Variants in PRKDC observed in about 807,000 individuals in gnomAD.
PRKDC encodes the protein protein kinase, DNA-activated, catalytic subunit.
In PRKDC, 82 loss-of-function variants were observed where a neutral mutation model predicts 486.9. The observed-to-expected ratio is 0.17, with a 90% CI of 0.14 to 0.20. The LOEUF is 0.20. Among genes scored for constraint, PRKDC ranks in the 10% least tolerant of loss-of-function variants. The pLI, the probability that PRKDC is intolerant of heterozygous loss-of-function variation, is 1.00. For synonymous variants in PRKDC, 1,895 were observed against 1,837.0 expected, an observed-to-expected ratio of 1.03 and a Z score of -0.81; for missense variants, 4,504 against 5,038.2, an observed-to-expected ratio of 0.89 and a Z score of 3.21.
chr8:47,950,374 C>T (rs1265517766), intron 7 of PRKDC, among the ~76,000 whole-genome samples: 2 of 151,954 alleles, frequency 1.3e-5, no homozygotes, highest in African/African-American at 4.8e-5. Context: ...ACCTGTAATC[C>T]CAGCACTTTG....
Position 47,915,391 on chromosome 8 carries a change from T to G in PRKDC, c.2554A>C (p.Arg852=). Residue 852 remains arginine, a synonymous_variant, in exon 23 of 86, where the codon AGA becomes CGA. Coordinates refer to ENST00000314191, the MANE Select transcript of PRKDC (RefSeq NM_006904.7). ...CCAAGCATTTGTACTACTCTAATTC[T>G]TATTTCTTCTAAGGATATTGCTTCG... ...SNEAISLEEI[R]IRVVQMLGSL... The G allele has an allele frequency of 6.4e-7, 1 of 1,562,330 alleles. No homozygotes were observed. Among genetic ancestry groups the G allele is most frequent in the Non-Finnish European group, 8.7e-7 (1 of 1,147,734 alleles).
intron 1 of PRKDC, 46 bp from the exon 2 acceptor site, chr8:47,957,477 T>C (rs1458704887): frequency 9.6e-6 from 14 of 1,450,820 alleles, no homozygotes; most frequent in South Asian, 2.5e-5. Flanking sequence ...GCCAAGAGCA[T>C]CATGTAAACC....
chr8:47,944,727 A>G (rs560795747), intron 7 of PRKDC, among the ~76,000 whole-genome samples: 54 of 152,290 alleles, frequency 3.5e-4, no homozygotes, highest in African/African-American at 1.2e-3. Context: ...ATTCATCACT[A>G]ATTTCTCTAC....
At chr8:47,879,834 C>CTTTTTTTT (rs759336069) in intron 38 of PRKDC, among the ~76,000 whole-genome samples, 176 bp from the exon 39 acceptor site, 4 of 99,200 alleles carry the variant, frequency 4.0e-5, no homozygotes, top group East Asian at 3.4e-4. Flanking sequence ...TATACCTCAG[C>CTTTTTTTT]TTTTTTTTTT....
chr8:47,956,977 C>CAAAAAAAA (rs2090713226), intron 3 of PRKDC, among the ~76,000 whole-genome samples, 194 bp downstream of exon 3: 2 of 11,456 alleles, frequency 1.7e-4, no homozygotes, highest in Admixed American at 1.5e-3. Context: ...AACTCCTTCT[C>CAAAAAAAA]CAAAAAAAAA....
At chr8:47,798,696 C>T (rs1177273084) in intron 72 of PRKDC, among the ~76,000 whole-genome samples, 3 of 152,082 alleles carry the variant, frequency 2.0e-5, no homozygotes, top group Non-Finnish European at 4.4e-5. Flanking sequence ...GCCACACGAG[C>T]CAGTAATATT....
At chr8:47,914,732 C>T (rs8178054) in intron 23 of PRKDC, among the ~76,000 whole-genome samples, 1 of 147,456 alleles carries the variant, frequency 6.8e-6, no homozygotes, top group Non-Finnish European at 1.5e-5. Flanking sequence ...ACCTGGGAGG[C>T]GGAGGTTGCA....
At chr8:47,944,054 T>C in intron 7 of PRKDC, 25 bp from the exon 8 acceptor site, 1 of 1,531,374 alleles carries the variant, frequency 6.5e-7, no homozygotes, top group Non-Finnish European at 8.9e-7. Context: ...AGAAGCCTGT[T>C]ACAAATCGTA....
intron 7 of PRKDC, among the ~76,000 whole-genome samples, chr8:47,952,401 T>C (rs759717906): frequency 1.3e-5 from 2 of 152,228 alleles, no homozygotes; most frequent in East Asian, 1.9e-4. Flanking sequence ...GTGTAACTTT[T>C]TGAAATGACG....
chr8:47,898,533 A>G lies in PRKDC; in HGVS notation c.3401T>C (p.Leu1134Pro). ...ATGCTTCTTTTCAATGATGCGGCAT[A>G]GGTGATCAATGGCATCACAACACTG... ...IQQCCDAIDH[L>P]CRIIEKKHVS... The change falls in exon 29 of 86, where the codon CTA (leucine) becomes CCA (proline). Residue 1134 changes from leucine to proline, a missense_variant. This residue lies in a region of PRKDC where 1,969 missense variants were observed against 2,068.9 expected (regional missense o/e 0.95). Coordinates refer to ENST00000314191, the MANE Select transcript of PRKDC (RefSeq NM_006904.7). 1 of 1,536,954 alleles carries G rather than the reference A, an allele frequency of 6.5e-7. No homozygotes were observed. The highest frequency in any genetic ancestry group is 1.2e-5 in the South Asian group (1 of 81,410).
rs754372790 is a variant in PRKDC at position 47,807,325 on chromosome 8, A to G, written c.9559T>C (p.Cys3187Arg). Reference sequence around the variant, plus strand: ...TCCTCTATTTTGCTGAGAAAGAAACATCTACACAAAGAAAAATGAGACAAT... The same window carrying G: ...TCCTCTATTTTGCTGAGAAAGAAACGTCTACACAAAGAAAAATGAGACAAT... ...NIWDDIITNRCFFLSKIEEKL... is the reference protein window; with the variant it reads ...NIWDDIITNRRFFLSKIEEKL... The change falls in exon 69 of 86, where the codon TGT (cysteine) becomes CGT (arginine). Residue 3187 changes from cysteine to arginine, a missense_variant and splice_region_variant. Coordinates refer to ENST00000314191, the MANE Select transcript of PRKDC (RefSeq NM_006904.7). 3 of 1,542,610 alleles carry G rather than the reference A, an allele frequency of 1.9e-6. No homozygotes were observed. The Admixed American group carries it at 5.9e-5, about 31-fold the overall frequency.
At chr8:47,822,167 C>T (rs1589720853) in intron 64 of PRKDC, among the ~76,000 whole-genome samples, 1 of 152,138 alleles carries the variant, frequency 6.6e-6, no homozygotes, top group African/African-American at 2.4e-5. Flanking sequence ...ATGGCAAGCA[C>T]CTGCAGTCCC....
Position 47,782,761 on chromosome 8 carries a change from G to A in PRKDC, c.11176-163C>T, listed in dbSNP as rs1373854564. On this transcript the variant is annotated intron_variant, in intron 78 of 85. Coordinates refer to ENST00000314191, the MANE Select transcript of PRKDC (RefSeq NM_006904.7). The surrounding 1 kb of genome is among the most constrained non-coding windows in gnomAD (Gnocchi z 4.9). ...AGCAACGAATTTCTGCTACCTGCTT[G>A]TGCCTGACTGCTGTGCCCGCAGAAA... The A allele has an allele frequency of 1.5e-5, 10 of 657,170 alleles. No individual in the cohort carries two copies. Among genetic ancestry groups the A allele is most frequent in the Middle Eastern group, 4.0e-4 (1 of 2,484 alleles). The allele number at this position is 657,170 out of a possible 1,614,324, so 40.7% of individuals were successfully genotyped here.
At chr8:47,946,852 C>A (rs1306717318) in intron 7 of PRKDC, among the ~76,000 whole-genome samples, 1 of 152,180 alleles carries the variant, frequency 6.6e-6, no homozygotes, top group Non-Finnish European at 1.5e-5. Context: ...GGAGTCACTG[C>A]ACAGCCCTCA....
At chr8:47,779,482 G>C (rs1337831843) in intron 80 of PRKDC, 1 of 163,050 alleles carries the variant, frequency 6.1e-6, no homozygotes, top group African/African-American at 2.4e-5. Flanking sequence ...ACCACAGGCG[G>C]CTGCTGGAAG....
At chr8:47,796,234 C>T (rs950383984) in intron 73 of PRKDC, among the ~76,000 whole-genome samples, 1 of 151,828 alleles carries the variant, frequency 6.6e-6, no homozygotes, top group African/African-American at 2.4e-5. Flanking sequence ...TGACTACTTT[C>T]TAAAGTCTTT....
intron 70 of PRKDC, among the ~76,000 whole-genome samples, chr8:47,802,637 C>T (rs1330593847): frequency 6.6e-6 from 1 of 151,736 alleles, no homozygotes; most frequent in African/African-American, 2.4e-5. Flanking sequence ...GCCACCACGC[C>T]CGGCTAGTTT....
At chr8:47,863,264 GT>G in intron 42 of PRKDC, 134 bp downstream of exon 42, 1 of 678,424 alleles carries the variant, frequency 1.5e-6, no homozygotes, top group Non-Finnish European at 2.3e-6. Flanking sequence ...GTTCACCTAA[GT>G]GGTTTATAAG....
chr8:47,925,838 A>G (rs1206058321), intron 21 of PRKDC, among the ~76,000 whole-genome samples: 2 of 152,236 alleles, frequency 1.3e-5, no homozygotes, highest in African/African-American at 2.4e-5. Flanking sequence ...ATAACTGGTG[A>G]ATCTAGATAG....
Sources: allele counts gnomAD v4.1 joint callset (sites outside exome capture counted in the v4.1 genomes callset), GRCh38; gene constraint gnomAD v4.1.1; regional missense constraint gnomAD v4.1.1; non-coding constraint Gnocchi (gnomAD v3.1); transcripts MANE v1.5; gene names NCBI Gene and HGNC (gene_info 2026-07-23, HGNC 2026-07-21).